USP38: variants seen among roughly 807,000 people sequenced by gnomAD.
USP38 encodes the protein ubiquitin carboxyl-terminal hydrolase 38.
Under a neutral mutation model 94.3 loss-of-function variants are expected in USP38, and 49 were observed. The observed-to-expected ratio is 0.52, with a 90% CI of 0.41 to 0.66. The LOEUF (loss-of-function observed/expected upper bound fraction) is 0.66, where lower values mean the gene tolerates loss of function less well. Among genes scored for constraint, USP38 ranks in the 30% least tolerant of loss-of-function variants. USP38 has a pLI of 0.00. For missense variants in USP38, 1,128 were observed against 1,229.4 expected (o/e 0.92, Z 1.23); for synonymous variants, 468 against 463.6 (o/e 1.01, Z -0.12).
intron 4 of USP38, among the ~76,000 whole-genome samples, chr4:143,199,530 T>TG (rs1371615745): frequency 6.6e-6 from 1 of 152,208 alleles, no homozygotes; most frequent in Admixed American, 6.5e-5. Context: ...CAAATGCCAG[T>TG]GCTGCTGTTA....
intron 2 of USP38, among the ~76,000 whole-genome samples, chr4:143,193,420 C>CAT (rs1561238688): frequency 2.0e-5 from 3 of 152,150 alleles, no homozygotes; most frequent in Admixed American, 6.5e-5. Context: ...ACAGTGAATA[C>CAT]CCTCTGTACA....
At chr4:143,204,327 A>C (rs1351052333) in intron 5 of USP38, 4 of 441,122 alleles carry the variant, frequency 9.1e-6, no homozygotes, top group African/African-American at 6.2e-5. Context: ...AATGTTTCGA[A>C]TCTTTACTTG....
intron 3 of USP38, among the ~76,000 whole-genome samples, chr4:143,196,798 A>G (rs764177291): frequency 2.6e-5 from 4 of 152,174 alleles, no homozygotes; most frequent in Non-Finnish European, 4.4e-5. Flanking sequence ...CACTTTATCT[A>G]CAATCTTATT....
chr4:143,198,027 C>A, intron 4 of USP38, 103 bp downstream of exon 4: 2 of 714,750 alleles, frequency 2.8e-6, no homozygotes, highest in Non-Finnish European at 4.5e-6. Context: ...GCAAGTTAGT[C>A]CCAAATCTGT....
At chr4:143,193,312 C>T (rs1038438459) in intron 2 of USP38, among the ~76,000 whole-genome samples, 9 of 149,968 alleles carry the variant, frequency 6.0e-5, no homozygotes, top group African/African-American at 2.0e-4. Flanking sequence ...TTATTTAAAA[C>T]TCTATATACT....
chr4:143,210,542 G>T (rs193118450), intron 7 of USP38, among the ~76,000 whole-genome samples: 1 of 151,602 alleles, frequency 6.6e-6, no homozygotes, highest in Non-Finnish European at 1.5e-5. Context: ...AGCCGAGATC[G>T]TGCCACTGCA....
Position 143,214,927 on chromosome 4 carries a change from A to G in USP38, c.2951A>G (p.Asn984Ser). ...KELMDAITKDNKLYLQEQELN... is the reference protein window; with the variant it reads ...KELMDAITKDSKLYLQEQELN... ...CTTATGGATGCTATAACAAAAGACA[A>G]TAAACTATATTTACAGGTAAGTTGG... The change falls in exon 9 of 10, where the codon AAT becomes AGT. Residue 984 changes from asparagine to serine, a missense_variant. Physicochemically the swap from Asn to Ser is conservative, Grantham distance 46 (BLOSUM62 1). Transcript: ENST00000307017. The G allele has an allele frequency of 1.9e-6, 3 of 1,610,794 alleles. No individual in the cohort carries two copies. Among genetic ancestry groups the G allele is most frequent in the African/African-American group, 1.3e-5 (1 of 74,834 alleles).
intron 6 of USP38, among the ~76,000 whole-genome samples, chr4:143,207,046 A>G (rs1010332000): frequency 1.3e-5 from 2 of 152,246 alleles, no homozygotes; most frequent in Non-Finnish European, 2.9e-5. Flanking sequence ...GCAAATAGGA[A>G]ATCAGAAGTT....
In USP38 at chr4:143,214,329, T is replaced by C; in HGVS notation, c.2353T>C (p.Ser785Pro). The part of the protein sequence containing the change: ...HVRRKILDNV[S>P]LPLVLELPVK... ...GAGAAGGAAAATTTTAGACAATGTATCACTGCCACTGGTTTTGGAGTTGCC... is the reference window on the plus strand; with the variant it reads ...GAGAAGGAAAATTTTAGACAATGTACCACTGCCACTGGTTTTGGAGTTGCC... The change falls in exon 9 of 10, where the codon TCA becomes CCA. Residue 785 changes from serine to proline, a missense_variant. Physicochemically the swap from Ser to Pro is moderately conservative, Grantham distance 74. Transcript: ENST00000307017. 1 of 1,613,238 alleles carries C rather than the reference T, an allele frequency of 6.2e-7. No homozygotes were observed. The highest frequency in any genetic ancestry group is 1.1e-5 in the South Asian group (1 of 90,918).
chr4:143,195,898 T>C, intron 3 of USP38, 53 bp downstream of exon 3: 2 of 1,475,690 alleles, frequency 1.4e-6, no homozygotes, highest in Non-Finnish European at 1.8e-6. Flanking sequence ...AAAATCAATA[T>C]TTTTTTCTTT....
chr4:143,217,092 A>G (rs534784684), intron 9 of USP38, among the ~76,000 whole-genome samples: 5 of 152,290 alleles, frequency 3.3e-5, no homozygotes, highest in Admixed American at 2.6e-4. Context: ...GATTACAGGC[A>G]TGAGCCACTG....
At chr4:143,218,524 G>A (rs1732242544) in intron 9 of USP38, among the ~76,000 whole-genome samples, 1 of 151,968 alleles carries the variant, frequency 6.6e-6, no homozygotes. Context: ...TTTTCTGTCA[G>A]CCATATATTT....
intron 2 of USP38, among the ~76,000 whole-genome samples, chr4:143,193,970 T>A (rs920446744): frequency 6.6e-6 from 1 of 152,164 alleles, no homozygotes; most frequent in Non-Finnish European, 1.5e-5. Flanking sequence ...AGCTGTGTAG[T>A]CCTAGCTACT....
chr4:143,223,654 T>TG lies in USP38; in HGVS notation c.*3198_*3199insG, dbSNP rs1171044278. ...GCACTGTTTGTCCAGTTACTGGAGA[T>TG]CTTCATTTTGATGCTTTGTACTTTG... is the stretch of plus-strand genomic sequence containing the variant. On this transcript the variant is annotated 3_prime_UTR_variant, in exon 10 of 10. Coordinates refer to ENST00000307017, the MANE Select transcript of USP38 (RefSeq NM_032557.6). 1 of 152,102 alleles carries TG rather than the reference T, an allele frequency of 6.6e-6. No homozygotes were observed. Among genetic ancestry groups the TG allele is most frequent in the Non-Finnish European group, 1.5e-5 (1 of 67,986 alleles). The allele number at this position is 152,102 out of a possible 1,614,324, so 9.4% of individuals were successfully genotyped here.
intron 2 of USP38, among the ~76,000 whole-genome samples, chr4:143,190,068 CCTT>C (rs1378356401): frequency 2.0e-5 from 3 of 151,994 alleles, no homozygotes; most frequent in Non-Finnish European, 4.4e-5. Flanking sequence ...TAATGTAACT[CCTT>C]CTGTGCCGTA....
chr4:143,214,368 A>G lies in USP38; in HGVS notation c.2392A>G (p.Thr798Ala). The change falls in exon 9 of 10, where the codon ACT becomes GCT. Residue 798 changes from threonine to alanine, a missense_variant. Coordinates refer to ENST00000307017, the MANE Select transcript of USP38 (RefSeq NM_032557.6). ...TTTGGAGTTGCCAGTTAAAAGAATT[A>G]CTTCTTTCTCTTCATTGTCAGAAAG... is the stretch of plus-strand genomic sequence containing the variant. Reference protein sequence around the residue: ...LVLELPVKRITSFSSLSESWS... With the variant: ...LVLELPVKRIASFSSLSESWS... 6.2e-7 allele frequency: 1 copy of G among 1,613,718 alleles called. No homozygotes were observed.
chr4:143,209,358 G>A (rs1017339749), intron 6 of USP38, among the ~76,000 whole-genome samples: 16 of 151,944 alleles, frequency 1.1e-4, no homozygotes, highest in Admixed American at 1.3e-4. Flanking sequence ...CTTTTAAATG[G>A]CCAGGCACAG....
In USP38 at chr4:143,186,062, C is replaced by T; in HGVS notation, c.612C>T (p.Asn204=). The part of the protein sequence containing the change: ...QVTKVSNLLQ[N]IWKAEPATLL... ...CAAAAGTGAGTAACTTGCTGCAGAA[C>T]ATCTGGAAGGCCGAGCCTGCCACAC... The change falls in exon 1 of 10, where the codon AAC becomes AAT. Residue 204 remains asparagine (N), a synonymous_variant. Coordinates refer to ENST00000307017, the MANE Select transcript of USP38 (RefSeq NM_032557.6). The T allele has an allele frequency of 3.1e-6, 5 of 1,614,192 alleles. No individual in the cohort carries two copies. Among genetic ancestry groups the T allele is most frequent in the Non-Finnish European group, 3.4e-6 (4 of 1,180,034 alleles).
Position 143,185,384 on chromosome 4 carries a change from TGCCCC to T in USP38, c.-66_-62del. On this transcript the variant is annotated 5_prime_UTR_variant, in exon 1 of 10. Transcript: ENST00000307017. ...GTTCATCTCCGCCCCGGGGCTCTCC[TGCCCC>T]ACCTCGGGGCTGCCGCCACCCGCTC... 6.7e-7 allele frequency: 1 copy of T among 1,497,154 alleles called. No homozygotes were observed. The allele number at this position is 1,497,154 out of a possible 1,614,324, so 92.7% of individuals were successfully genotyped here. A position where few individuals can be genotyped will look rare whatever the true frequency, so the allele number is the denominator to read the frequency against.
Sources: allele counts gnomAD v4.1 joint callset (sites outside exome capture counted in the v4.1 genomes callset), GRCh38; gene constraint gnomAD v4.1.1; transcripts MANE v1.5; gene names NCBI Gene and HGNC (gene_info 2026-07-23, HGNC 2026-07-21).